Variants in H2BC5 observed in about 807,000 individuals in gnomAD.
H2BC5 encodes histone H2B type 1-D.
Under a neutral mutation model 5.7 loss-of-function variants are expected in H2BC5, and 9 were observed. That is an observed-to-expected ratio of 1.57 (90% CI 0.95 to 2.74). The LOEUF is 2.74. H2BC5 is among the 30% of genes most tolerant of loss of function. The pLI, the probability that H2BC5 is intolerant of heterozygous loss-of-function variation, is 0.00. For synonymous variants in H2BC5, 133 were observed against 70.9 expected, an observed-to-expected ratio of 1.88 and a Z score of -4.40; for missense variants, 175 against 168.8, an observed-to-expected ratio of 1.04 and a Z score of -0.20.
At chr6:26,158,706 G>A, downstream of H2BC5, 1 of 1,229,694 alleles carries the variant, frequency 8.1e-7, no homozygotes, top group South Asian at 1.6e-5. Context: ...GTACTGCAGA[G>A]GAAATAACTT....
intron 1 of H2BC5, chr6:26,164,081 CA>C: frequency 8.7e-6 from 4 of 460,250 alleles, no homozygotes; most frequent in South Asian, 1.8e-5. Flanking sequence ...ACCCCAACTG[CA>C]AAAATACCTC....
At chr6:26,168,436 C>A (rs1342409337) in intron 1 of H2BC5, among the ~76,000 whole-genome samples, 1 of 147,750 alleles carries the variant, frequency 6.8e-6, no homozygotes, top group Admixed American at 6.8e-5. Context: ...CCAGCCTGGG[C>A]AACAAGACCA....
downstream of H2BC5, among the ~76,000 whole-genome samples, chr6:26,162,416 A>G (rs1483618890): frequency 1.3e-5 from 2 of 152,156 alleles, no homozygotes; most frequent in African/African-American, 4.8e-5. Flanking sequence ...GCTACCAGGT[A>G]TTGTCTTTTT....
intron 1 of H2BC5, among the ~76,000 whole-genome samples, chr6:26,167,049 C>CTTTTTTTTTTTTTTT (rs149341201): frequency 5.7e-4 from 55 of 97,032 alleles, no homozygotes; most frequent in African/African-American, 8.1e-4. Context: ...TTTGTTTTCT[C>CTTTTTTTTTTTTTTT]TTTTTTTTTT....
chr6:26,167,090 A>T (rs1332047544), intron 1 of H2BC5, among the ~76,000 whole-genome samples: 3 of 111,794 alleles, frequency 2.7e-5, no homozygotes, highest in Non-Finnish European at 5.1e-5. Flanking sequence ...ATAGGAGTTA[A>T]TGTTGCAAAG....
At chr6:26,167,812 T>C (rs1764454736) in intron 1 of H2BC5, among the ~76,000 whole-genome samples, 1 of 152,128 alleles carries the variant, frequency 6.6e-6, no homozygotes, top group East Asian at 1.9e-4. Flanking sequence ...TCATCTGGCT[T>C]TGTAGAGAAG....
chr6:26,163,428 TCGGGAA>T (rs2113835408), downstream of H2BC5: 2 of 152,240 alleles, frequency 1.3e-5, no homozygotes, highest in East Asian at 3.9e-4. Flanking sequence ...TTTCTGTGAG[TCGGGAA>T]TCCAGAAGTG....
intron 1 of H2BC5, among the ~76,000 whole-genome samples, chr6:26,164,596 T>TTA (rs113707312): frequency 0.29 from 42,096 of 147,588 alleles, 7,076 homozygotes; most frequent in East Asian, 0.77. Context: ...AAGGGAGATT[T>TTA]TATATATATA....
chr6:26,167,897 AT>A (rs1321376795), intron 1 of H2BC5, among the ~76,000 whole-genome samples: 4 of 151,286 alleles, frequency 2.6e-5, no homozygotes, highest in Non-Finnish European at 1.5e-5. Flanking sequence ...ATTTATTTTT[AT>A]TTTTTTATTA....
At chr6:26,168,384 G>A (rs1764467652) in intron 1 of H2BC5, among the ~76,000 whole-genome samples, 1 of 151,836 alleles carries the variant, frequency 6.6e-6, no homozygotes, top group Non-Finnish European at 1.5e-5. Flanking sequence ...CTTGAACCCG[G>A]GAGGCAGAGG....
intron 1 of H2BC5, among the ~76,000 whole-genome samples, chr6:26,168,239 A>AAGG (rs1469150276): frequency 6.6e-6 from 1 of 152,098 alleles, no homozygotes; most frequent in African/African-American, 2.4e-5. Flanking sequence ...CGGGCAGATC[A>AAGG]CCTGAGGTCG....
At chr6:26,164,407 C>A in intron 1 of H2BC5, 1 of 213,420 alleles carries the variant, frequency 4.7e-6, no homozygotes, top group Non-Finnish European at 1.0e-5. Context: ...TGGCCATGCC[C>A]AGTCCCAGGA....
At chr6:26,164,033 CT>C in intron 1 of H2BC5, 1 of 442,132 alleles carries the variant, frequency 2.3e-6, no homozygotes, top group South Asian at 1.8e-5. Flanking sequence ...AGTAAAAGAA[CT>C]TATTGAAATA....
Position 26,158,205 on chromosome 6 carries a change from G to A in H2BC5, c.36G>A (p.Lys12=), listed in dbSNP as rs765194024. 1.2e-6 allele frequency: 2 copies of A among 1,614,184 alleles called. No homozygotes were observed. The highest frequency in any genetic ancestry group is 2.2e-5 in the South Asian group (2 of 91,086). The change falls in exon 1 of 1, where the codon AAG becomes AAA. Residue 12 remains lysine (K), a synonymous_variant. Transcript: ENST00000377777. ...PEPTKSAPAP[K]KGSKKAVTKA... is the part of the protein sequence containing the mutation. ...CTACCAAGTCTGCTCCTGCCCCAAA[G>A]AAGGGCTCCAAGAAGGCGGTGACTA...
rs746525981 is a variant in H2BC5, at chr6:26,158,206, A to C, written c.37A>C (p.Lys13Gln). Residue 13 changes from lysine (K) to glutamine (Q), a missense_variant, in exon 1 of 1, where the codon AAG (lysine) becomes CAG (glutamine). This residue lies in a region of H2BC5 where 119 missense variants were observed against 85.6 expected (regional missense o/e 1.39). Coordinates refer to ENST00000377777, the MANE Select transcript of H2BC5 (RefSeq NM_021063.4). ...EPTKSAPAPK[K>Q]GSKKAVTKAQ... ...TACCAAGTCTGCTCCTGCCCCAAAG[A>C]AGGGCTCCAAGAAGGCGGTGACTAA... is the stretch of plus-strand genomic sequence containing the variant. The C allele has an allele frequency of 6.2e-7, 1 of 1,614,206 alleles. No individual in the cohort carries two copies.
At chr6:26,168,079 A>AT (rs1183635577) in intron 1 of H2BC5, among the ~76,000 whole-genome samples, 1 of 152,002 alleles carries the variant, frequency 6.6e-6, no homozygotes, top group Non-Finnish European at 1.5e-5. Context: ...AAATTGATTC[A>AT]TTTATTATTA....
chr6:26,158,746 A>G (rs1191495590), downstream of H2BC5: 3 of 893,308 alleles, frequency 3.4e-6, no homozygotes, highest in Non-Finnish European at 5.1e-6. Context: ...AATAGGTACT[A>G]GAAATTGAGT....
In H2BC5 at chr6:26,158,243, A is replaced by G. The variant is rs774818397; in HGVS notation, c.74A>G (p.Lys25Arg). ...AAGGCGGTGACTAAGGCTCAGAAGAAGGACGGGAAGAAGCGCAAGCGCAGC... is the reference window on the plus strand; with the variant it reads ...AAGGCGGTGACTAAGGCTCAGAAGAGGGACGGGAAGAAGCGCAAGCGCAGC... ...SKKAVTKAQK[K>R]DGKKRKRSRK... Residue 25 changes from lysine (K) to arginine (R), a missense_variant, in exon 1 of 1, where the codon AAG (lysine) becomes AGG (arginine). Lys to Arg is a conservative substitution (Grantham distance 26, BLOSUM62 2). Coordinates refer to ENST00000377777, the MANE Select transcript of H2BC5 (RefSeq NM_021063.4). The G allele has an allele frequency of 8.1e-6, 13 of 1,614,162 alleles. No homozygotes were observed. In the East Asian group the frequency reaches 2.9e-4, roughly 36 times the overall value.
Position 26,158,592 on chromosome 6 carries a change from T to C in H2BC5, c.*42T>C, listed in dbSNP as rs201975296. ...TCTTTACACCTAATCCCAAAGGCTC[T>C]TTTAAGAGCCACGCATGTTTTCAAT... On this transcript the variant is annotated 3_prime_UTR_variant, in exon 1 of 1. Coordinates refer to ENST00000377777, the MANE Select transcript of H2BC5 (RefSeq NM_021063.4). 6 of 1,598,796 alleles carry C rather than the reference T, an allele frequency of 3.8e-6. No homozygotes were observed. In the Admixed American group the frequency reaches 1.1e-4, roughly 29 times the overall value.
Sources: allele counts gnomAD v4.1 joint callset (sites outside exome capture counted in the v4.1 genomes callset), GRCh38; gene constraint gnomAD v4.1.1; regional missense constraint gnomAD v4.1.1; transcripts MANE v1.5; gene names NCBI Gene and HGNC (gene_info 2026-07-23, HGNC 2026-07-21).